PREX2: variants seen among roughly 807,000 people sequenced by gnomAD.
The protein encoded by PREX2 is phosphatidylinositol-3,4,5-trisphosphate dependent Rac exchange factor 2.
PREX2 carries 107 observed loss-of-function variants against 203.2 expected under a neutral mutation model. The ratio of observed to expected loss-of-function variants is 0.53; its 90% CI spans 0.45 to 0.62. The LOEUF (loss-of-function observed/expected upper bound fraction) is 0.62, where lower values mean the gene tolerates loss of function less well. Ranked by LOEUF, PREX2 falls within the 20% of genes least tolerant of loss-of-function variation. The probability of loss-of-function intolerance (pLI) is 0.00; values close to 1 mark genes in which losing one functional copy is unlikely to be tolerated. For missense variants in PREX2, 1,777 were observed against 1,955.9 expected (o/e 0.91, Z 1.72); for synonymous variants, 672 against 663.6 (o/e 1.01, Z -0.19).
chr8:68,030,051 T>C (rs1202989109), intron 5 of PREX2, among the ~76,000 whole-genome samples: 1 of 152,162 alleles, frequency 6.6e-6, no homozygotes, highest in African/African-American at 2.4e-5. Context: ...CATAGTTTTA[T>C]AGTTTCTCAA....
At chr8:68,039,747 A>C (rs544229647) in intron 7 of PREX2, among the ~76,000 whole-genome samples, 2 of 152,226 alleles carry the variant, frequency 1.3e-5, no homozygotes, top group East Asian at 3.9e-4. Flanking sequence ...TTCCCTCAAC[A>C]TCCCACATCC....
At chr8:68,224,520 A>G (rs148811365) in intron 38 of PREX2, 39 bp from the exon 39 acceptor site, 1 of 1,503,414 alleles carries the variant, frequency 6.7e-7, no homozygotes, top group South Asian at 1.1e-5. Context: ...ATTATTACTA[A>G]CACACTGTAG....
intron 1 of PREX2, among the ~76,000 whole-genome samples, chr8:68,012,936 A>G (rs1807307244): frequency 6.6e-6 from 1 of 152,230 alleles, no homozygotes; most frequent in African/African-American, 2.4e-5. Flanking sequence ...ATATGGTGAT[A>G]GAAGAGGAAA....
At chr8:68,167,801 G>C (rs4737253) in intron 35 of PREX2, among the ~76,000 whole-genome samples, 48,147 of 152,008 alleles carry the variant, frequency 0.32, 7,814 homozygotes, top group East Asian at 0.49. Context: ...TGGAATAAAA[G>C]CTGAGCACTA....
In PREX2 at chr8:68,027,429, G is replaced by C. The variant is rs186701335; in HGVS notation, c.543+106G>C. ...ATGAGTCTGATATTCTAAAGGAAGC[G>C]TAGACCATAAGTATTGGAAAAAAGT... On this transcript the variant is annotated intron_variant, in intron 5 of 39. Coordinates refer to ENST00000288368, the MANE Select transcript of PREX2 (RefSeq NM_024870.4). 6.7e-6 allele frequency: 5 copies of C among 747,690 alleles called. No individual in the cohort carries two copies. The African/African-American group carries it at 8.9e-5, about 13-fold the overall frequency. The allele number at this position is 747,690 out of a possible 1,614,324, so 46.3% of individuals were successfully genotyped here. A position where few individuals can be genotyped will look rare whatever the true frequency, so the allele number is the denominator to read the frequency against.
At chr8:68,008,957 C>T (rs1807183105) in intron 1 of PREX2, among the ~76,000 whole-genome samples, 1 of 152,148 alleles carries the variant, frequency 6.6e-6, no homozygotes, top group Admixed American at 6.5e-5. Flanking sequence ...TGAAAACGGA[C>T]TGACATGCAA....
At chr8:68,018,191 G>A (rs1199957377) in intron 2 of PREX2, among the ~76,000 whole-genome samples, 2 of 151,734 alleles carry the variant, frequency 1.3e-5, no homozygotes, top group African/African-American at 4.8e-5. Context: ...ATAAATTGGA[G>A]GTGTGGTGGC....
At chr8:68,068,761 A>G (rs536660460) in intron 11 of PREX2, among the ~76,000 whole-genome samples, 1 of 152,114 alleles carries the variant, frequency 6.6e-6, no homozygotes, top group Non-Finnish European at 1.5e-5. Context: ...TCATGTACAT[A>G]TATAAATACA....
At chr8:68,189,448 C>G (rs1812252708) in intron 35 of PREX2, among the ~76,000 whole-genome samples, 1 of 152,148 alleles carries the variant, frequency 6.6e-6, no homozygotes, top group African/African-American at 2.4e-5. Flanking sequence ...AAGCTCATTT[C>G]CTTTTATGAT....
At chr8:68,224,820 T>C (rs1192327701) in intron 39 of PREX2, among the ~76,000 whole-genome samples, 194 bp downstream of exon 39, 2 of 152,110 alleles carry the variant, frequency 1.3e-5, no homozygotes, top group Non-Finnish European at 2.9e-5. Flanking sequence ...TGGATATTAT[T>C]CTATTTTGCA....
In PREX2 at chr8:68,138,448, GT is replaced by G; in HGVS notation, c.4020del (p.Ala1341HisfsTer37). 6.9e-6 allele frequency: 11 copies of G among 1,604,408 alleles called. No homozygotes were observed. The highest frequency in any genetic ancestry group is 8.5e-6 in the Non-Finnish European group (10 of 1,174,330). On this transcript the variant is annotated frameshift_variant, in exon 33 of 40. Transcript: ENST00000288368. LOFTEE classifies it high-confidence loss of function. ...DEQAMLEDTL[V>X]ALFDLEKVSF... is the part of the protein sequence containing the mutation. The stretch of plus-strand genomic sequence containing the variant: ...ACAAGCCATGTTAGAAGATACACTG[GT>G]TGCACTATTTGATTTGGAAAAGGTT...
intron 4 of PREX2, among the ~76,000 whole-genome samples, chr8:68,023,286 C>G (rs1563504992): frequency 6.6e-6 from 1 of 152,164 alleles, no homozygotes; most frequent in Non-Finnish European, 1.5e-5. Context: ...TTTGCCAACA[C>G]TTGGCATTTT....
intron 1 of PREX2, among the ~76,000 whole-genome samples, chr8:67,983,861 C>T (rs2129609277): frequency 6.6e-6 from 1 of 152,276 alleles, no homozygotes; most frequent in African/African-American, 2.4e-5. Context: ...CTTCCATTTT[C>T]ACATCTGTAA....
chr8:68,061,166 C>A (rs1020944210), intron 11 of PREX2, among the ~76,000 whole-genome samples: 1 of 152,136 alleles, frequency 6.6e-6, no homozygotes, highest in South Asian at 2.1e-4. Flanking sequence ...GCATTCCACC[C>A]GGAGGAAATA....
At chr8:67,978,036 T>C (rs1283860924) in intron 1 of PREX2, among the ~76,000 whole-genome samples, 1 of 152,184 alleles carries the variant, frequency 6.6e-6, no homozygotes, top group African/African-American at 2.4e-5. Context: ...TTTTAGCTGG[T>C]TGATCAGAAA....
chr8:67,997,751 C>T lies in PREX2; in HGVS notation c.142-20095C>T, dbSNP rs150303877. 3.9e-5 allele frequency among the ~76,000 whole-genome samples: 6 copies of T among 152,114 alleles called. No homozygotes were observed. The East Asian group carries it at 1.2e-3, about 29-fold the overall frequency. On this transcript the variant is annotated intron_variant, in intron 1 of 39. Coordinates refer to ENST00000288368, the MANE Select transcript of PREX2 (RefSeq NM_024870.4). ...ATCAGTTCTCAGTATTTTAAGATAT[C>T]TTAATTGATATCAGTTCTCAATATC...
chr8:68,120,669 T>C (rs568104563), intron 29 of PREX2, among the ~76,000 whole-genome samples: 1 of 152,240 alleles, frequency 6.6e-6, no homozygotes, highest in South Asian at 2.1e-4. Context: ...GAGCTGCCAC[T>C]CTGACAAGTA....
intron 37 of PREX2, among the ~76,000 whole-genome samples, chr8:68,205,035 A>G (rs1055516135): frequency 6.6e-6 from 1 of 152,136 alleles, no homozygotes; most frequent in Non-Finnish European, 1.5e-5. Context: ...CTCTCGGGCT[A>G]TGACTCATAG....
At chr8:68,152,430 G>T (rs1035732024) in intron 34 of PREX2, among the ~76,000 whole-genome samples, 52 of 150,808 alleles carry the variant, frequency 3.4e-4, no homozygotes, top group Admixed American at 2.2e-3. Flanking sequence ...TTAGGAGTCT[G>T]TGGGAAGGTG....
Sources: gnomAD v4.1 joint callset for allele counts (sites outside exome capture counted in the v4.1 genomes callset) on GRCh38, gnomAD v4.1.1 for gene constraint, MANE v1.5 for transcripts, NCBI Gene and HGNC (gene_info 2026-07-23, HGNC 2026-07-21) for gene names.